NUP155: variants seen among roughly 807,000 people sequenced by gnomAD.
The protein encoded by NUP155 is nucleoporin 155.
A neutral mutation model predicts 180.4 loss-of-function variants in NUP155; 71 were observed. The ratio of observed to expected loss-of-function variants is 0.39; its 90% CI spans 0.33 to 0.48. NUP155 has a LOEUF of 0.48. Ranked by LOEUF, NUP155 falls within the 20% of genes least tolerant of loss-of-function variation. NUP155 has a pLI of 0.91. For missense variants in NUP155, 1,553 were observed against 1,648.9 expected (o/e 0.94, Z 1.01); for synonymous variants, 582 against 559.5 (o/e 1.04, Z -0.57).
chr5:37,363,109 T>C (rs1747325896), intron 3 of NUP155, among the ~76,000 whole-genome samples: 1 of 152,058 alleles, frequency 6.6e-6, no homozygotes, highest in Non-Finnish European at 1.5e-5. Context: ...ACAGGGTTTC[T>C]CCATGTTGGC....
chr5:37,353,610 A>G (rs1746616324), intron 4 of NUP155, among the ~76,000 whole-genome samples: 2 of 152,222 alleles, frequency 1.3e-5, no homozygotes, highest in South Asian at 4.1e-4. Context: ...AAAACATAAA[A>G]GGAAAAATGT....
intron 1 of NUP155, among the ~76,000 whole-genome samples, chr5:37,368,612 G>C (rs1023410476): frequency 6.6e-6 from 1 of 151,870 alleles, no homozygotes; most frequent in African/African-American, 2.4e-5. Context: ...ATGAGGTCAG[G>C]AGATCAAGAC....
intron 24 of NUP155, among the ~76,000 whole-genome samples, chr5:37,308,296 T>C (rs1325832123): frequency 6.6e-6 from 1 of 152,174 alleles, no homozygotes; most frequent in African/African-American, 2.4e-5. Flanking sequence ...CTCATGTCTG[T>C]AATCCTAGCA....
At chr5:37,325,768 CAAAAAA>C (rs58741619) in intron 19 of NUP155, 127 bp downstream of exon 19, 85 of 360,922 alleles carry the variant, frequency 2.4e-4, no homozygotes, top group African/African-American at 4.9e-4. Flanking sequence ...GACTCTGTCT[CAAAAAA>C]AAAAAAAAAA....
Position 37,302,842 on chromosome 5 carries a change from G to C in NUP155, c.3384C>G (p.Ser1128=), listed in dbSNP as rs1158012878. 4 of 1,613,704 alleles carry C rather than the reference G, an allele frequency of 2.5e-6. No individual in the cohort carries two copies. The African/African-American group carries it at 5.3e-5, about 22-fold the overall frequency. ...CGGCAGCTATTGATGAAATGGCAGT[G>C]GAACTTTTGGCACTAAGAATGGCTC... is the stretch of plus-strand genomic sequence containing the variant. ...IARAILSAKS[S]TAISSIAADG... The change falls in exon 29 of 35, where the codon TCC becomes TCG. Residue 1128 remains serine, a synonymous_variant. Transcript: ENST00000231498.
intron 2 of NUP155, 97 bp downstream of exon 2, chr5:37,364,150 G>A (rs1747395872): frequency 1.7e-6 from 2 of 1,165,766 alleles, no homozygotes; most frequent in Non-Finnish European, 2.5e-6. Flanking sequence ...ACCCTTAAAT[G>A]AATATATAAC....
At chr5:37,360,782 A>G in intron 3 of NUP155, among the ~76,000 whole-genome samples, 1 of 145,996 alleles carries the variant, frequency 6.8e-6, no homozygotes, top group Non-Finnish European at 1.5e-5. Flanking sequence ...TGAGATAAAA[A>G]AAAAGGGGGG....
intron 1 of NUP155, among the ~76,000 whole-genome samples, chr5:37,367,611 C>A (rs1484580923): frequency 2.0e-5 from 3 of 151,494 alleles, no homozygotes; most frequent in African/African-American, 7.3e-5. Context: ...CGGCTCACTG[C>A]AAGCTCCGCC....
chr5:37,353,616 A>G (rs1249416516), intron 4 of NUP155, among the ~76,000 whole-genome samples: 1 of 152,064 alleles, frequency 6.6e-6, no homozygotes, highest in African/African-American at 2.4e-5. Flanking sequence ...TAAAAGGAAA[A>G]ATGTTCTGAT....
chr5:37,365,713 GAAAAAAAA>G (rs869240751), intron 1 of NUP155, among the ~76,000 whole-genome samples: 4 of 22,682 alleles, frequency 1.8e-4, no homozygotes, highest in African/African-American at 4.1e-4. Flanking sequence ...GTCTCGGGGA[GAAAAAAAA>G]AAAAAAAAAA....
chr5:37,323,357 A>C (rs532999361), intron 20 of NUP155, among the ~76,000 whole-genome samples: 6 of 152,220 alleles, frequency 3.9e-5, no homozygotes, highest in African/African-American at 7.2e-5. Context: ...AGCTGAAACA[A>C]CCCAAATATC....
intron 3 of NUP155, among the ~76,000 whole-genome samples, chr5:37,363,148 G>A (rs1036590770): frequency 5.3e-5 from 8 of 152,148 alleles, no homozygotes; most frequent in African/African-American, 7.2e-5. Context: ...CTGACCTCAG[G>A]TGATCCACCC....
intron 23 of NUP155, among the ~76,000 whole-genome samples, chr5:37,310,309 G>A (rs1255955901): frequency 6.6e-6 from 1 of 152,096 alleles, no homozygotes; most frequent in Non-Finnish European, 1.5e-5. Context: ...CTAAGCAACA[G>A]AGTGAAACCC....
chr5:37,335,250 G>A (rs1181588557), intron 12 of NUP155, among the ~76,000 whole-genome samples: 5 of 151,324 alleles, frequency 3.3e-5, no homozygotes, highest in East Asian at 1.9e-4. Flanking sequence ...GTGTGGTGGC[G>A]TGTGCCTGTA....
At chr5:37,359,716 A>G (rs1251802525) in intron 3 of NUP155, among the ~76,000 whole-genome samples, 1 of 152,212 alleles carries the variant, frequency 6.6e-6, no homozygotes, top group African/African-American at 2.4e-5. Context: ...AATAACAAGA[A>G]AAAAAACCCC....
Position 37,347,908 on chromosome 5 carries a change from G to A in NUP155, c.995+597C>T, listed in dbSNP as rs528581167. ...TCCCAGCACTTTGGGAGGTTGAGGC[G>A]GGCGGATCACGAGGTCAAGAGATCG... On this transcript the variant is annotated intron_variant, in intron 9 of 34. Transcript: ENST00000231498. 1.3e-3 allele frequency among the ~76,000 whole-genome samples: 200 copies of A among 152,018 alleles called. 3 individuals are homozygous for A. The highest frequency in any genetic ancestry group is 4.6e-3 in the African/African-American group (189 of 41,478).
At chr5:37,360,310 C>T (rs745964057) in intron 3 of NUP155, among the ~76,000 whole-genome samples, 28 of 151,680 alleles carry the variant, frequency 1.8e-4, no homozygotes, top group Non-Finnish European at 4.0e-4. Context: ...GGTGAAACCC[C>T]GTCTCTACTA....
chr5:37,342,080 C>T (rs1032600205), intron 10 of NUP155, among the ~76,000 whole-genome samples: 2 of 152,080 alleles, frequency 1.3e-5, no homozygotes, highest in African/African-American at 4.8e-5. Context: ...GCCCTATTGC[C>T]CAGGGTGAAG....
rs762409066 is a variant in NUP155, at chr5:37,305,153, C to T, written c.2961G>A (p.Lys987=). The change falls in exon 26 of 35, where the codon AAG becomes AAA. Residue 987 remains lysine, a synonymous_variant. Coordinates refer to ENST00000231498, the MANE Select transcript of NUP155 (RefSeq NM_153485.3). ...DTLQELVNQS[K]AAPQSPSVPK... The stretch of plus-strand genomic sequence containing the variant: ...GTACACTGGGAGACTGAGGAGCGGC[C>T]TTACTTTGATTTACCAGTTCTTGAA... 9.9e-6 allele frequency: 16 copies of T among 1,613,704 alleles called. No homozygotes were observed. Among genetic ancestry groups the T allele is most frequent in the East Asian group, 2.2e-5 (1 of 44,894 alleles).
Sources: allele counts gnomAD v4.1 joint callset (sites outside exome capture counted in the v4.1 genomes callset), GRCh38; gene constraint gnomAD v4.1.1; transcripts MANE v1.5; gene names NCBI Gene and HGNC (gene_info 2026-07-23, HGNC 2026-07-21).